SPIDR: variants seen among roughly 807,000 people sequenced by gnomAD.
SPIDR encodes scaffold protein involved in DNA repair.
SPIDR carries 93 observed loss-of-function variants against 104.6 expected under a neutral mutation model. That is an observed-to-expected ratio of 0.89 (90% CI 0.75 to 1.06). The LOEUF is 1.06. Ranked by LOEUF, SPIDR falls within the 50% of genes least tolerant of loss-of-function variation. The pLI is 0.00. For missense variants in SPIDR, 1,154 were observed against 1,111.2 expected, an observed-to-expected ratio of 1.04 and a Z score of -0.55; for synonymous variants, 431 against 416.9, an observed-to-expected ratio of 1.03 and a Z score of -0.41.
In SPIDR at chr8:47,355,322, A is replaced by ATT. The variant is rs5891238; in HGVS notation, c.526-41041_526-41040dup. ...GCCTTAGTATCTGTTGGAATGTGTGATTTTTTTTTTTTTTGCTCATGTCTG... is the reference window on the plus strand; with the variant it reads ...GCCTTAGTATCTGTTGGAATGTGTGATTTTTTTTTTTTTTTTGCTCATGTCTG... On this transcript the variant is annotated intron_variant, in intron 5 of 19. Transcript: ENST00000297423. 6.6e-3 allele frequency among the ~76,000 whole-genome samples: 890 copies of ATT among 135,394 alleles called. 4 individuals are homozygous for ATT. Among genetic ancestry groups the ATT allele is most frequent in the African/African-American group, 0.018 (649 of 35,904 alleles). The allele number at this position is 135,394 out of a possible 152,430, so 88.8% of individuals were successfully genotyped here. A position where few individuals can be genotyped will look rare whatever the true frequency, so the allele number is the denominator to read the frequency against.
rs1554558904 is a variant in SPIDR, at chr8:47,281,852, C to T, written c.189+1835C>T. On this transcript the variant is annotated intron_variant, in intron 2 of 19. Transcript: ENST00000297423. ...CTGAAAGTTTTCAGTTTACTTTGCC[C>T]AGATCCATCAGAGGAGTCACTATCT... Among the ~76,000 whole-genome samples, 496 of 152,292 alleles carry T rather than the reference C, an allele frequency of 3.3e-3. 1 individual carries two copies. Among genetic ancestry groups the T allele is most frequent in the Non-Finnish European group, 5.4e-3 (369 of 68,024 alleles).
At chr8:47,598,813 A>T in intron 9 of SPIDR, 133 bp from the exon 10 acceptor site, 1 of 1,136,216 alleles carries the variant, frequency 8.8e-7, no homozygotes, top group Non-Finnish European at 1.2e-6. Flanking sequence ...CTTCATCATC[A>T]CTTCAGTGTA....
At chr8:47,540,634 G>T (rs1362123084) in intron 8 of SPIDR, among the ~76,000 whole-genome samples, 1 of 152,084 alleles carries the variant, frequency 6.6e-6, no homozygotes, top group Non-Finnish European at 1.5e-5. Context: ...TAATCTGAAT[G>T]ATTTACAGTA....
At chr8:47,551,750 T>A (rs2090524676) in intron 8 of SPIDR, among the ~76,000 whole-genome samples, 5 of 152,130 alleles carry the variant, frequency 3.3e-5, no homozygotes, top group Admixed American at 2.6e-4. Context: ...TTTTGAAGGG[T>A]TTTTTGTGTC....
intron 7 of SPIDR, among the ~76,000 whole-genome samples, chr8:47,438,062 T>A (rs1281496534): frequency 3.9e-5 from 6 of 152,260 alleles, no homozygotes; most frequent in African/African-American, 1.4e-4. Context: ...GGACTTGAGC[T>A]GCCCAAGACA....
chr8:47,486,666 G>C (rs979176633), intron 8 of SPIDR, among the ~76,000 whole-genome samples: 1 of 152,152 alleles, frequency 6.6e-6, no homozygotes, highest in East Asian at 1.9e-4. Context: ...CAGACACTCC[G>C]CAAGCCAGAA....
In SPIDR at chr8:47,415,475, G is replaced by T. The variant is rs573456690; in HGVS notation, c.877+7514G>T. Among the ~76,000 whole-genome samples, 22 of 152,170 alleles carry T rather than the reference G, an allele frequency of 1.4e-4. No homozygotes were observed. The South Asian group carries it at 4.1e-3, about 29-fold the overall frequency. ...ACCTGTTACTGTGGTCTGAATTTTT[G>T]TATGCTCCCAAAATTCATGTTGAAA... On this transcript the variant is annotated intron_variant, in intron 7 of 19. Coordinates refer to ENST00000297423, the MANE Select transcript of SPIDR (RefSeq NM_001080394.4).
Position 47,714,613 on chromosome 8 carries a change from G to A in SPIDR, c.2341+972G>A, listed in dbSNP as rs546155840. 6.6e-5 allele frequency among the ~76,000 whole-genome samples: 10 copies of A among 152,328 alleles called. No individual in the cohort carries two copies. The South Asian group carries it at 1.7e-3, about 25-fold the overall frequency. On this transcript the variant is annotated intron_variant, in intron 16 of 19. Transcript: ENST00000297423. ...CCTCTGTCCCCGGCTTCCTGCCTGT[G>A]CTGGCGCATCCAGGAGACACAGCTG...
intron 5 of SPIDR, among the ~76,000 whole-genome samples, chr8:47,348,688 G>A (rs941317633): frequency 2.0e-5 from 3 of 151,928 alleles, no homozygotes; most frequent in South Asian, 2.1e-4. Flanking sequence ...TTCTCTTTTC[G>A]CTTCATTTCA....
chr8:47,569,867 T>G (rs1227664530), intron 8 of SPIDR, among the ~76,000 whole-genome samples: 1 of 152,066 alleles, frequency 6.6e-6, no homozygotes, highest in Non-Finnish European at 1.5e-5. Flanking sequence ...GAAAATGAAA[T>G]TAAACCAATT....
intron 7 of SPIDR, among the ~76,000 whole-genome samples, chr8:47,419,724 T>G (rs1554678365): frequency 6.6e-6 from 1 of 152,218 alleles, no homozygotes; most frequent in Non-Finnish European, 1.5e-5. Context: ...GTGTTAATTT[T>G]AGATCTTTCC....
At chr8:47,511,724 G>A in intron 8 of SPIDR, 2 of 1,223,848 alleles carry the variant, frequency 1.6e-6, no homozygotes, top group Non-Finnish European at 2.4e-6. Flanking sequence ...GTCTCTCCAG[G>A]TCTGTTGGTC....
At chr8:47,452,865 A>G (rs1554707021) in intron 8 of SPIDR, among the ~76,000 whole-genome samples, 1 of 152,184 alleles carries the variant, frequency 6.6e-6, no homozygotes, top group African/African-American at 2.4e-5. Flanking sequence ...TGGCCAGGGT[A>G]GTCAGGCAGG....
intron 5 of SPIDR, among the ~76,000 whole-genome samples, chr8:47,319,802 C>G (rs2046173415): frequency 6.6e-6 from 1 of 152,094 alleles, no homozygotes; most frequent in African/African-American, 2.4e-5. Flanking sequence ...TCACTCAAAA[C>G]TGCTCAACTA....
chr8:47,401,408 GA>G (rs1370736877), intron 6 of SPIDR, among the ~76,000 whole-genome samples: 1 of 152,158 alleles, frequency 6.6e-6, no homozygotes, highest in Non-Finnish European at 1.5e-5. Context: ...TTGAGGCTAG[GA>G]AGAAACTGCA....
At chr8:47,292,248 G>A (rs1314847109) in intron 4 of SPIDR, among the ~76,000 whole-genome samples, 1 of 152,028 alleles carries the variant, frequency 6.6e-6, no homozygotes, top group African/African-American at 2.4e-5. Flanking sequence ...GTTACCTAGG[G>A]TTCAGTTTGT....
chr8:47,391,823 C>T lies in SPIDR; in HGVS notation c.526-4553C>T, dbSNP rs182023596. ...CATCCTGGCTAACATGGTGAAACCC[C>T]GTCTCTACTAAAAATACAAAAAATT... On this transcript the variant is annotated intron_variant, in intron 5 of 19. Coordinates refer to ENST00000297423, the MANE Select transcript of SPIDR (RefSeq NM_001080394.4). Among the ~76,000 whole-genome samples, 11 of 151,784 alleles carry T rather than the reference C, an allele frequency of 7.2e-5. No homozygotes were observed. The East Asian group carries it at 1.6e-3, about 22-fold the overall frequency.
intron 14 of SPIDR, among the ~76,000 whole-genome samples, chr8:47,703,254 C>T (rs1319563574): frequency 6.6e-6 from 1 of 152,170 alleles, no homozygotes; most frequent in Non-Finnish European, 1.5e-5. Flanking sequence ...TTCTGTTGTG[C>T]ATTTATTTTG....
At chr8:47,352,017 G>A (rs1482744557) in intron 5 of SPIDR, among the ~76,000 whole-genome samples, 12 of 152,104 alleles carry the variant, frequency 7.9e-5, no homozygotes, top group South Asian at 4.1e-4. Context: ...AGTGGCTCAC[G>A]CCTGTAATCC....
Sources: gnomAD v4.1 joint callset for allele counts (sites outside exome capture counted in the v4.1 genomes callset) on GRCh38, gnomAD v4.1.1 for gene constraint, MANE v1.5 for transcripts, NCBI Gene and HGNC (gene_info 2026-07-23, HGNC 2026-07-21) for gene names.